PTPRG: variants seen among roughly 807,000 people sequenced by gnomAD.
PTPRG encodes protein tyrosine phosphatase receptor type G.
A neutral mutation model predicts 165.3 loss-of-function variants in PTPRG; 102 were observed. The observed-to-expected ratio is 0.62, with a 90% CI of 0.53 to 0.73. The LOEUF (loss-of-function observed/expected upper bound fraction) is 0.73, where lower values mean the gene tolerates loss of function less well. Ranked by LOEUF, PTPRG falls within the 30% of genes least tolerant of loss-of-function variation. PTPRG has a pLI of 0.00. For synonymous variants in PTPRG, 675 were observed against 669.5 expected (o/e 1.01, Z -0.13); for missense variants, 1,866 against 1,861.4 (o/e 1.00, Z -0.05).
rs1314746601 is a variant in PTPRG, at chr3:62,029,104, C to G, written c.519+25607C>G. On this transcript the variant is annotated intron_variant, in intron 4 of 29. Transcript: ENST00000474889. Reference sequence around the variant, plus strand: ...GAAAATGGGGCACTTAGCAGACTCCCTAGCGTGTGTGAGTGTCTTCTCTCA... The same window carrying G: ...GAAAATGGGGCACTTAGCAGACTCCGTAGCGTGTGTGAGTGTCTTCTCTCA... Among the ~76,000 whole-genome samples, 4 of 152,110 alleles carry G rather than the reference C, an allele frequency of 2.6e-5. No individual in the cohort carries two copies. The East Asian group carries it at 7.7e-4, about 29-fold the overall frequency.
rs547141447 is a variant in PTPRG at position 61,817,418 on chromosome 3, G to T, written c.190+68436G>T. Among the ~76,000 whole-genome samples the T allele has an allele frequency of 1.4e-3, 205 of 151,492 alleles. 6 individuals carry two copies. The highest frequency in any genetic ancestry group is 2.2e-4 in the Non-Finnish European group (15 of 67,934). ...AGAAAAATAAAATATTTAGTTGATT[G>T]TTGTTGGCTTTAGAATCATTATAGT... On this transcript the variant is annotated intron_variant, in intron 2 of 29. Transcript: ENST00000474889.
chr3:62,080,765 C>T (rs1345026090), intron 5 of PTPRG, among the ~76,000 whole-genome samples: 3 of 152,182 alleles, frequency 2.0e-5, no homozygotes, highest in Non-Finnish European at 4.4e-5. Flanking sequence ...GAATTTTAGG[C>T]AGGCAAGACA....
At chr3:61,694,026 A>AG in intron 1 of PTPRG, among the ~76,000 whole-genome samples, 1 of 112,962 alleles carries the variant, frequency 8.9e-6, no homozygotes, top group Non-Finnish European at 1.9e-5. Flanking sequence ...AAAAAAAAAA[A>AG]GAGAGAGAGA....
At position 62,293,224 on chromosome 3, in the gene PTPRG, G is replaced by T. The variant is rs761829442; in HGVS notation, c.4255G>T (p.Gly1419Cys). The T allele has an allele frequency of 6.2e-7, 1 of 1,611,368 alleles. No individual in the cohort carries two copies. The highest frequency in any genetic ancestry group is 8.5e-7 in the Non-Finnish European group (1 of 1,178,920). ...GGTCAGCACTAAAGAAAATGGAAATGGTCCCATGACAGTAGACAAAAATGG... is the reference window on the plus strand; with the variant it reads ...GGTCAGCACTAAAGAAAATGGAAATTGTCCCATGACAGTAGACAAAAATGG... ...SLVSTKENGN[G>C]PMTVDKNGAV... Residue 1419 changes from glycine to cysteine, a missense_variant, in exon 30 of 30, where the codon GGT (glycine) becomes TGT (cysteine). Around this residue, in one of 3 missense-constraint regions of PTPRG, gnomAD observed 1,452 missense variants for 1,463.0 expected, o/e 0.99. Transcript: ENST00000474889.
intron 4 of PTPRG, among the ~76,000 whole-genome samples, chr3:62,010,405 C>T (rs1253907036): frequency 1.6e-5 from 2 of 125,038 alleles, no homozygotes; most frequent in Non-Finnish European, 3.4e-5. Flanking sequence ...TGTATAAGTT[C>T]ATAATATCAC....
At chr3:61,905,958 T>G (rs767297198) in intron 2 of PTPRG, among the ~76,000 whole-genome samples, 9 of 152,254 alleles carry the variant, frequency 5.9e-5, no homozygotes, top group Non-Finnish European at 7.3e-5. Context: ...TATTCTCTTA[T>G]GAAAGAATCA....
chr3:62,124,176 G>T (rs1703192884), intron 5 of PTPRG: 1 of 741,138 alleles, frequency 1.3e-6, no homozygotes, highest in Admixed American at 2.2e-5. Context: ...TCGTTGTTGT[G>T]CAAAGAAAAA....
chr3:62,214,498 G>A lies in PTPRG; in HGVS notation c.2156-4353G>A, dbSNP rs1394669407. ...ACAGAGGAGGAGACTGAGGCACAAC[G>A]AGGTTAGGTTAGTTGCCCAAAGTTG... On this transcript the variant is annotated intron_variant, in intron 12 of 29. Transcript: ENST00000474889. This position sits in a 1 kb window ranked among gnomAD's most constrained non-coding sequence, Gnocchi z 5.2. 6.6e-6 allele frequency among the ~76,000 whole-genome samples: 1 copy of A among 152,182 alleles called. No individual in the cohort carries two copies. Among genetic ancestry groups the A allele is most frequent in the Non-Finnish European group, 1.5e-5 (1 of 68,030 alleles).
chr3:61,788,974 T>C (rs1340079393), intron 2 of PTPRG, among the ~76,000 whole-genome samples: 1 of 152,250 alleles, frequency 6.6e-6, no homozygotes, highest in African/African-American at 2.4e-5. Flanking sequence ...CTCTCTGTTA[T>C]TTTGCATGTC....
rs147163204 is a variant in PTPRG, at chr3:62,273,942, G to A, written c.3465+98G>A. On this transcript the variant is annotated intron_variant, in intron 23 of 29. Transcript: ENST00000474889. The surrounding 1 kb of genome is among the most constrained non-coding windows in gnomAD (Gnocchi z 4.1). ...TCTTCTTTGCATTAATGTATACACC[G>A]AAATGGATTACTATTTGTACTCCTT... 414 of 1,186,922 alleles carry A rather than the reference G, an allele frequency of 3.5e-4. 8 individuals are homozygous for A. In the East Asian group the frequency reaches 9.6e-3, roughly 28 times the overall value. 73.5% of individuals were successfully genotyped at this position (1,186,922 alleles called of 1,614,324 possible).
At chr3:61,620,607 AT>A (rs1701422517) in intron 1 of PTPRG, among the ~76,000 whole-genome samples, 1 of 152,016 alleles carries the variant, frequency 6.6e-6, no homozygotes, top group African/African-American at 2.4e-5. Flanking sequence ...TCAGTTGAAG[AT>A]GCTTAAAGTT....
intron 4 of PTPRG, among the ~76,000 whole-genome samples, chr3:62,075,898 A>G (rs900171571): frequency 2.0e-5 from 3 of 152,186 alleles, no homozygotes; most frequent in African/African-American, 7.2e-5. Flanking sequence ...TGTAAGGAGT[A>G]CCATCATTCT....
intron 2 of PTPRG, among the ~76,000 whole-genome samples, chr3:61,977,779 A>G (rs919601940): frequency 6.6e-6 from 1 of 152,248 alleles, no homozygotes; most frequent in African/African-American, 2.4e-5. Context: ...ATAGTGTCTT[A>G]AATATGTTTA....
intron 2 of PTPRG, among the ~76,000 whole-genome samples, chr3:61,922,046 CAGTT>C (rs934769677): frequency 7.9e-5 from 12 of 152,148 alleles, no homozygotes; most frequent in African/African-American, 2.2e-4. Flanking sequence ...AAATTTTACT[CAGTT>C]AGTCAACATT....
chr3:61,637,112 T>C (rs1371232497), intron 1 of PTPRG, among the ~76,000 whole-genome samples: 1 of 152,136 alleles, frequency 6.6e-6, no homozygotes, highest in Non-Finnish European at 1.5e-5. Flanking sequence ...CTGTGTGGAG[T>C]TGGCGGACTA....
chr3:61,706,801 T>C (rs1424461493), intron 1 of PTPRG, among the ~76,000 whole-genome samples: 1 of 152,098 alleles, frequency 6.6e-6, no homozygotes, highest in Non-Finnish European at 1.5e-5. Flanking sequence ...GTATTATTAT[T>C]ATTATTATTT....
intron 2 of PTPRG, among the ~76,000 whole-genome samples, chr3:61,832,856 C>T (rs947912029): frequency 5.3e-5 from 8 of 152,220 alleles, no homozygotes; most frequent in African/African-American, 1.9e-4. Context: ...TCGTCCTCTT[C>T]CCACCCTTTC....
At chr3:62,207,993 C>T (rs1700270671) in intron 12 of PTPRG, among the ~76,000 whole-genome samples, 1 of 152,158 alleles carries the variant, frequency 6.6e-6, no homozygotes, top group Non-Finnish European at 1.5e-5. Flanking sequence ...TTGTGCAGAA[C>T]CCCCCAACTT....
At chr3:61,613,776 A>C (rs1286011868) in intron 1 of PTPRG, among the ~76,000 whole-genome samples, 1 of 152,172 alleles carries the variant, frequency 6.6e-6, no homozygotes. Context: ...GGTTTATTAC[A>C]GTTGTGCTTT....
Sources: gnomAD v4.1 joint callset for allele counts (sites outside exome capture counted in the v4.1 genomes callset) on GRCh38, gnomAD v4.1.1 for gene constraint, gnomAD v4.1.1 regional missense constraint, Gnocchi (gnomAD v3.1) non-coding constraint, MANE v1.5 for transcripts, NCBI Gene and HGNC (gene_info 2026-07-23, HGNC 2026-07-21) for gene names.